LINGO1: variants seen among roughly 807,000 people sequenced by gnomAD.
LINGO1 encodes the protein leucine-rich repeat and immunoglobulin-like domain-containing nogo receptor-interacting protein 1.
A neutral mutation model predicts 37.3 loss-of-function variants in LINGO1; 11 were observed. That is an observed-to-expected ratio of 0.29 (90% CI 0.19 to 0.49). The LOEUF is 0.49. LINGO1 is among the 20% of genes least tolerant of loss of function. The pLI, the probability that LINGO1 is intolerant of heterozygous loss-of-function variation, is 0.99. For synonymous variants in LINGO1, 387 were observed against 403.0 expected (o/e 0.96, Z 0.48); for missense variants, 585 against 878.2 (o/e 0.67, Z 4.22).
At chr15:77,627,224 A>G (rs765331025) in intron 1 of LINGO1, among the ~76,000 whole-genome samples, 1 of 152,126 alleles carries the variant, frequency 6.6e-6, no homozygotes, top group Non-Finnish European at 1.5e-5. Context: ...CACATGAAAT[A>G]GGCATAATTA....
intron 1 of LINGO1, among the ~76,000 whole-genome samples, chr15:77,802,207 G>A (rs916651102): frequency 6.6e-6 from 1 of 152,078 alleles, no homozygotes; most frequent in Admixed American, 6.5e-5. Context: ...GTGGGTCTGC[G>A]GAGGTGAACT....
chr15:77,739,811 C>G (rs1450471834), intron 1 of LINGO1, among the ~76,000 whole-genome samples: 1 of 152,388 alleles, frequency 6.6e-6, no homozygotes, highest in Admixed American at 6.5e-5. Context: ...ACAAAGGGAG[C>G]ACAGCGGTGG....
At chr15:77,760,678 C>T (rs1210346824) in intron 1 of LINGO1, among the ~76,000 whole-genome samples, 1 of 152,150 alleles carries the variant, frequency 6.6e-6, no homozygotes, top group Non-Finnish European at 1.5e-5. Flanking sequence ...GCTAGCTGCT[C>T]ACTGGGAGCC....
chr15:77,786,210 T>C (rs1174429062), intron 1 of LINGO1, among the ~76,000 whole-genome samples: 6 of 152,070 alleles, frequency 3.9e-5, no homozygotes, highest in Non-Finnish European at 8.8e-5. Flanking sequence ...ACCTGTGCCA[T>C]CCCAACTGAT....
intron 1 of LINGO1, among the ~76,000 whole-genome samples, chr15:77,695,285 T>G (rs902286898): frequency 3.9e-4 from 59 of 150,574 alleles, no homozygotes; most frequent in Middle Eastern, 3.4e-3. Flanking sequence ...GCAGATGGGG[T>G]GGGCAGGGGG....
chr15:77,616,340 G>A (rs1242508836), intron 1 of LINGO1, among the ~76,000 whole-genome samples: 1 of 152,184 alleles, frequency 6.6e-6, no homozygotes, highest in Non-Finnish European at 1.5e-5. Context: ...GAGGCCTCTA[G>A]GAACAGCCCC....
intron 1 of LINGO1, among the ~76,000 whole-genome samples, chr15:77,818,561 C>T (rs2077067421): frequency 6.6e-6 from 1 of 152,178 alleles, no homozygotes; most frequent in Admixed American, 6.5e-5. Flanking sequence ...TCGGGTGGGG[C>T]GCGCCTTGCG....
intron 3 of LINGO1, among the ~76,000 whole-genome samples, chr15:77,668,436 C>T (rs1036568816): frequency 2.0e-5 from 3 of 152,166 alleles, no homozygotes; most frequent in Non-Finnish European, 4.4e-5. Flanking sequence ...ACCCTAAAAC[C>T]TGCATGTAAT....
intron 1 of LINGO1, among the ~76,000 whole-genome samples, chr15:77,742,063 T>C (rs2141350103): frequency 6.6e-6 from 1 of 152,168 alleles, no homozygotes; most frequent in African/African-American, 2.4e-5. Context: ...CATGGACCCA[T>C]CCAAGCAGGG....
intron 3 of LINGO1, among the ~76,000 whole-genome samples, chr15:77,672,692 T>C (rs997468707): frequency 6.6e-6 from 1 of 152,172 alleles, no homozygotes; most frequent in African/African-American, 2.4e-5. Context: ...AGTTTTCTCA[T>C]CTGCAAATGG....
chr15:77,756,849 C>T (rs540300070), intron 1 of LINGO1, among the ~76,000 whole-genome samples: 504 of 152,298 alleles, frequency 3.3e-3, no homozygotes, highest in Non-Finnish European at 5.3e-3. Flanking sequence ...CCCTGATACT[C>T]CACCGCCCCC....
chr15:77,702,432 C>T (rs765950553), intron 2 of LINGO1, among the ~76,000 whole-genome samples: 1 of 152,100 alleles, frequency 6.6e-6, no homozygotes, highest in Non-Finnish European at 1.5e-5. Context: ...ACAGATGACC[C>T]CACCCTCCAC....
intron 3 of LINGO1, chr15:77,648,617 AG>A (rs1260256185): frequency 2.0e-5 from 3 of 152,328 alleles, no homozygotes; most frequent in African/African-American, 7.2e-5. Context: ...CAAATGGGAC[AG>A]AGATCCAGGC....
chr15:77,665,212 T>C (rs1403944854), intron 3 of LINGO1, among the ~76,000 whole-genome samples: 1 of 152,218 alleles, frequency 6.6e-6, no homozygotes, highest in Non-Finnish European at 1.5e-5. Context: ...CCCTCTCCTC[T>C]GCCAGCACTC....
upstream of LINGO1, among the ~76,000 whole-genome samples, chr15:77,633,317 C>T (rs1296250190): frequency 6.6e-6 from 1 of 152,162 alleles, no homozygotes; most frequent in Non-Finnish European, 1.5e-5. Context: ...TGTGAGCGCG[C>T]GAGTGTGTTT....
chr15:77,792,182 C>G (rs1250436961), intron 2 of LINGO1, among the ~76,000 whole-genome samples: 1 of 152,224 alleles, frequency 6.6e-6, no homozygotes, highest in Non-Finnish European at 1.5e-5. Flanking sequence ...CCCTGTTCCT[C>G]GGCTCGGGCC....
chr15:77,683,300 A>ATT (rs2075448531), intron 2 of LINGO1, among the ~76,000 whole-genome samples: 1 of 152,218 alleles, frequency 6.6e-6, no homozygotes, highest in African/African-American at 2.4e-5. Flanking sequence ...CAACCTTGGG[A>ATT]AGAGCAAGGT....
chr15:77,618,056 C>T (rs1370284010), intron 1 of LINGO1, among the ~76,000 whole-genome samples: 3 of 152,232 alleles, frequency 2.0e-5, no homozygotes, highest in Non-Finnish European at 4.4e-5. Flanking sequence ...AACATCCTGA[C>T]AGGCGATCAA....
chr15:77,780,272 G>A (rs1021320257), intron 1 of LINGO1, among the ~76,000 whole-genome samples: 1 of 152,160 alleles, frequency 6.6e-6, no homozygotes, highest in African/African-American at 2.4e-5. Context: ...TTCTCTCCAT[G>A]GACAATGGTG....
Sources: gnomAD v4.1 joint callset for allele counts (sites outside exome capture counted in the v4.1 genomes callset) on GRCh38, gnomAD v4.1.1 for gene constraint, MANE v1.5 for transcripts, NCBI Gene and HGNC (gene_info 2026-07-23, HGNC 2026-07-21) for gene names.